LPA: variants seen among roughly 807,000 people sequenced by gnomAD.
LPA encodes the protein lipoprotein(a), also known as apolipoprotein(a).
LPA carries 199 observed loss-of-function variants against 197.9 expected under a neutral mutation model. The observed-to-expected ratio is 1.01, with a 90% CI of 0.90 to 1.13. The LOEUF is 1.13. Among genes scored for constraint, LPA ranks in the 50% most tolerant of loss-of-function variants. The pLI, the probability that LPA is intolerant of heterozygous loss-of-function variation, is 0.00. For synonymous variants in LPA, 715 were observed against 639.5 expected (o/e 1.12, Z -1.78); for missense variants, 1,853 against 1,785.8 (o/e 1.04, Z -0.68).
rs574667402 is a variant in LPA at position 160,553,957 on chromosome 6, G to A, written c.4973+2068C>T. ...TCTCTCTGTGTGTGTGTGTGTGTGC[G>A]CGCGCGCGCGTGTGCGTGTGTGTGT... On this transcript the variant is annotated intron_variant, in intron 30 of 38. Coordinates refer to ENST00000316300, the MANE Select transcript of LPA (RefSeq NM_005577.4). Among the ~76,000 whole-genome samples, 355 of 148,932 alleles carry A rather than the reference G, an allele frequency of 2.4e-3. 9 individuals carry two copies. Among genetic ancestry groups the A allele is most frequent in the Admixed American group, 0.021 (315 of 15,046 alleles).
chr6:160,606,060 G>T (rs907670126), intron 17 of LPA, among the ~76,000 whole-genome samples: 3 of 152,144 alleles, frequency 2.0e-5, no homozygotes, highest in African/African-American at 7.2e-5. Context: ...AGGGTGACAG[G>T]CTCCAGAGCC....
intron 35 of LPA, 38 bp from the exon 36 acceptor site, chr6:160,540,221 C>T (rs1429583391): frequency 1.2e-6 from 2 of 1,613,628 alleles, no homozygotes; most frequent in South Asian, 1.1e-5. Flanking sequence ...AAATATGGTC[C>T]AGCCCCTTCA....
chr6:160,557,277 T>C (rs2115012088), intron 29 of LPA, 113 bp downstream of exon 29: 1 of 1,291,672 alleles, frequency 7.7e-7, no homozygotes, highest in Non-Finnish European at 1.1e-6. Context: ...TCTTTCCACC[T>C]GCCATACCCT....
chr6:160,536,695 C>G (rs1777900229), intron 37 of LPA, among the ~76,000 whole-genome samples: 3 of 152,162 alleles, frequency 2.0e-5, no homozygotes, highest in Admixed American at 1.3e-4. Context: ...GGAGCAGCCT[C>G]CCACACCCAT....
At chr6:160,582,404 G>C (rs951114428) in intron 26 of LPA, among the ~76,000 whole-genome samples, 10 of 151,424 alleles carry the variant, frequency 6.6e-5, no homozygotes, top group Non-Finnish European at 1.5e-4. Context: ...TTATTCCATT[G>C]TTTCTGATTT....
intron 16 of LPA, among the ~76,000 whole-genome samples, chr6:160,609,585 G>T (rs1051342675): frequency 6.6e-6 from 1 of 151,638 alleles, no homozygotes; most frequent in African/African-American, 2.4e-5. Flanking sequence ...TTTTTCTAAC[G>T]TTCTTCATAA....
At chr6:160,593,416 C>A (rs1260275001) in intron 22 of LPA, among the ~76,000 whole-genome samples, 1 of 152,180 alleles carries the variant, frequency 6.6e-6, no homozygotes, top group Admixed American at 6.5e-5. Context: ...AATCTTTATA[C>A]TTCCTGACTC....
At chr6:160,555,167 C>G (rs9457937) in intron 30 of LPA, among the ~76,000 whole-genome samples, 6 of 150,478 alleles carry the variant, frequency 4.0e-5, no homozygotes, top group Non-Finnish European at 7.4e-5. Context: ...CTCTTCCTCT[C>G]CTGGCAACCC....
intron 28 of LPA, among the ~76,000 whole-genome samples, chr6:160,559,774 A>T (rs986706961): frequency 2.6e-5 from 4 of 152,086 alleles, no homozygotes; most frequent in Non-Finnish European, 4.4e-5. Flanking sequence ...GTGAGTTCTT[A>T]TTCATTCTGC....
intron 35 of LPA, among the ~76,000 whole-genome samples, chr6:160,540,496 G>A (rs1167412934): frequency 6.6e-6 from 1 of 152,176 alleles, no homozygotes; most frequent in Admixed American, 6.5e-5. Context: ...CCTCTTGAAT[G>A]GCTTGGGCCA....
chr6:160,572,569 CT>C (rs1260224268), intron 28 of LPA, among the ~76,000 whole-genome samples: 1 of 152,124 alleles, frequency 6.6e-6, no homozygotes. Flanking sequence ...AGATTTAGAG[CT>C]CCTTTTAGCA....
intron 37 of LPA, among the ~76,000 whole-genome samples, chr6:160,535,975 A>G (rs1368952099): frequency 6.6e-6 from 1 of 152,154 alleles, no homozygotes; most frequent in Non-Finnish European, 1.5e-5. Flanking sequence ...TGAAGGATCT[A>G]TCTAACTTTT....
intron 14 of LPA, among the ~76,000 whole-genome samples, chr6:160,615,376 G>C (rs1177105915): frequency 7.2e-6 from 1 of 137,976 alleles, no homozygotes; most frequent in Non-Finnish European, 1.6e-5. Context: ...GTGTGTGTGT[G>C]TGTGTGTGTA....
At chr6:160,534,906 T>C (rs1387968150) in intron 37 of LPA, among the ~76,000 whole-genome samples, 5 of 151,918 alleles carry the variant, frequency 3.3e-5, no homozygotes, top group African/African-American at 1.2e-4. Flanking sequence ...GTGGTGATGA[T>C]TAAACCAATG....
intron 7 of LPA, among the ~76,000 whole-genome samples, chr6:160,634,502 G>A (rs954059082): frequency 7.3e-6 from 1 of 137,642 alleles, no homozygotes; most frequent in African/African-American, 3.0e-5. Context: ...CTGAATTGCA[G>A]TAAAGGAGAA....
intron 28 of LPA, among the ~76,000 whole-genome samples, chr6:160,561,445 T>C (rs1778360386): frequency 6.6e-6 from 1 of 152,138 alleles, no homozygotes; most frequent in African/African-American, 2.4e-5. Context: ...TTGGTACCAG[T>C]ACCATACCAT....
rs755392689 is a variant in LPA at position 160,606,539 on chromosome 6, C to T, written c.2723G>A (p.Gly908Glu). ...AATAGTTGGAGGCGCGACGGCAGTCCCTTCTGCGTCTGAGCATTGTGTCAG... is the reference window on the plus strand; with the variant it reads ...AATAGTTGGAGGCGCGACGGCAGTCTCTTCTGCGTCTGAGCATTGTGTCAG... Reference protein sequence around the residue: ...CNLTQCSDAEGTAVAPPTITP... With the variant: ...CNLTQCSDAEETAVAPPTITP... The change falls in exon 17 of 39, where the codon GGG (glycine) becomes GAG (glutamate). Residue 908 changes from glycine (G) to glutamate (E), a missense_variant. Physicochemically the swap from Gly to Glu is moderately conservative, Grantham distance 98. Coordinates refer to ENST00000316300, the MANE Select transcript of LPA (RefSeq NM_005577.4). The T allele has an allele frequency of 3.7e-6, 6 of 1,613,660 alleles. No individual in the cohort carries two copies. In the East Asian group the frequency reaches 8.9e-5, roughly 24 times the overall value.
At chr6:160,537,809 G>A (rs371075388) in intron 37 of LPA, 46 bp downstream of exon 37, 55 of 1,544,264 alleles carry the variant, frequency 3.6e-5, no homozygotes, top group Non-Finnish European at 4.6e-5. Flanking sequence ...AACATGCACT[G>A]AAGGTCAAAA....
intron 2 of LPA, among the ~76,000 whole-genome samples, chr6:160,646,794 G>A (rs1779888710): frequency 6.8e-6 from 1 of 147,770 alleles, no homozygotes; most frequent in Non-Finnish European, 1.5e-5. Flanking sequence ...ATCTGTATCT[G>A]TCTAGTCTCC....
Sources: allele counts gnomAD v4.1 joint callset (sites outside exome capture counted in the v4.1 genomes callset), GRCh38; gene constraint gnomAD v4.1.1; transcripts MANE v1.5; gene names NCBI Gene and HGNC (gene_info 2026-07-23, HGNC 2026-07-21).